Variants in CSMD3 observed in about 807,000 individuals in gnomAD.
CSMD3 encodes the protein CUB and sushi domain-containing protein 3.
A neutral mutation model predicts 435.2 loss-of-function variants in CSMD3; 177 were observed. The observed-to-expected ratio is 0.41, with a 90% CI of 0.36 to 0.46. The LOEUF is 0.46. CSMD3 is among the 20% of genes least tolerant of loss of function. The pLI is 0.34. For missense variants in CSMD3, 4,265 were observed against 4,504.6 expected (o/e 0.95, Z 1.52); for synonymous variants, 1,656 against 1,520.5 (o/e 1.09, Z -2.07).
intron 1 of CSMD3, among the ~76,000 whole-genome samples, chr8:113,378,368 C>G (rs2133092500): frequency 6.6e-6 from 1 of 152,228 alleles, no homozygotes; most frequent in East Asian, 1.9e-4. Flanking sequence ...AAATGGTGAA[C>G]CAAACTGACA....
chr8:112,820,768 C>T (rs2079507309), intron 12 of CSMD3, among the ~76,000 whole-genome samples: 1 of 151,978 alleles, frequency 6.6e-6, no homozygotes, highest in Non-Finnish European at 1.5e-5. Flanking sequence ...TTTTAAGTCC[C>T]ATATGCATTT....
At chr8:112,597,099 A>T in intron 22 of CSMD3, among the ~76,000 whole-genome samples, 1 of 152,104 alleles carries the variant, frequency 6.6e-6, no homozygotes, top group Non-Finnish European at 1.5e-5. Context: ...GAAAGGATCA[A>T]CAAAATTGAT....
rs566082534 is a variant in CSMD3, at chr8:113,278,399, T to C, written c.514+193A>G. Among the ~76,000 whole-genome samples the C allele has an allele frequency of 1.1e-4, 17 of 151,980 alleles. No individual in the cohort carries two copies. The East Asian group carries it at 1.2e-3, about 10-fold the overall frequency. On this transcript the variant is annotated intron_variant, in intron 3 of 70. Coordinates refer to ENST00000297405, the MANE Select transcript of CSMD3 (RefSeq NM_198123.2). ...CCTGTAGCAATTTAATGGTCTCACATAGTGATATAAAATATTAAAACCCAC... is the reference window on the plus strand; with the variant it reads ...CCTGTAGCAATTTAATGGTCTCACACAGTGATATAAAATATTAAAACCCAC...
chr8:112,425,321 C>A (rs1352985199), intron 32 of CSMD3, among the ~76,000 whole-genome samples: 1 of 151,906 alleles, frequency 6.6e-6, no homozygotes, highest in Non-Finnish European at 1.5e-5. Flanking sequence ...AATTGTGAAC[C>A]CCAATTTTTT....
At chr8:112,744,668 A>G (rs2077388579) in intron 13 of CSMD3, among the ~76,000 whole-genome samples, 1 of 151,954 alleles carries the variant, frequency 6.6e-6, no homozygotes. Context: ...TTTAATTATT[A>G]AATAAAATGA....
At chr8:112,845,259 G>A (rs1284118857) in intron 11 of CSMD3, among the ~76,000 whole-genome samples, 1 of 151,988 alleles carries the variant, frequency 6.6e-6, no homozygotes, top group Non-Finnish European at 1.5e-5. Flanking sequence ...ACTGGTTTTT[G>A]TCCTTAAGGG....
intron 56 of CSMD3, among the ~76,000 whole-genome samples, chr8:112,291,248 T>C (rs1250662411): frequency 1.3e-5 from 2 of 151,892 alleles, no homozygotes; most frequent in Admixed American, 1.3e-4. Flanking sequence ...AAGTAGGAAA[T>C]ATGACTACTT....
intron 10 of CSMD3, among the ~76,000 whole-genome samples, chr8:112,921,160 C>T (rs907385970): frequency 2.6e-5 from 4 of 151,472 alleles, no homozygotes; most frequent in Admixed American, 6.6e-5. Context: ...GATAATGTGA[C>T]ATATAAAGCC....
At chr8:112,658,499 A>G (rs2075306831) in intron 17 of CSMD3, among the ~76,000 whole-genome samples, 1 of 152,234 alleles carries the variant, frequency 6.6e-6, no homozygotes, top group African/African-American at 2.4e-5. Context: ...ACTGCCTCCT[A>G]TTAATCAGTA....
intron 32 of CSMD3, among the ~76,000 whole-genome samples, chr8:112,439,021 C>T (rs1004047349): frequency 6.6e-6 from 1 of 152,190 alleles, no homozygotes; most frequent in African/African-American, 2.4e-5. Context: ...TAAATTTTCT[C>T]ATAGGTAAAT....
At chr8:112,510,683 A>C (rs1586559878) in intron 28 of CSMD3, among the ~76,000 whole-genome samples, 1 of 151,886 alleles carries the variant, frequency 6.6e-6, no homozygotes, top group African/African-American at 2.4e-5. Flanking sequence ...TGTAATATTA[A>C]CCCTCTGGTA....
chr8:112,575,188 G>A (rs139904650), intron 23 of CSMD3, among the ~76,000 whole-genome samples: 55 of 151,688 alleles, frequency 3.6e-4, no homozygotes, highest in African/African-American at 1.3e-3. Context: ...TTTTTTCCAC[G>A]GCTCCTAAAT....
intron 27 of CSMD3, among the ~76,000 whole-genome samples, chr8:112,528,525 A>G (rs1407854292): frequency 6.6e-6 from 1 of 152,176 alleles, no homozygotes; most frequent in Admixed American, 6.6e-5. Context: ...ACCAAGGAGC[A>G]CTTTAATTTA....
chr8:113,163,337 C>T (rs7834106), intron 4 of CSMD3, among the ~76,000 whole-genome samples: 103,406 of 151,768 alleles, frequency 0.68, 37,042 homozygotes, highest in East Asian at 0.95. Flanking sequence ...ATGGAAGATA[C>T]AAGGATTCAG....
intron 1 of CSMD3, among the ~76,000 whole-genome samples, chr8:113,362,678 CTT>C (rs565901344): frequency 1.6e-3 from 239 of 152,256 alleles, no homozygotes; most frequent in African/African-American, 5.6e-3. Context: ...CTTGTGTACT[CTT>C]GAGATTTTGT....
At position 113,215,494 on chromosome 8, in the gene CSMD3, G is replaced by A. The variant is rs573967985; in HGVS notation, c.515-41578C>T. On this transcript the variant is annotated intron_variant, in intron 3 of 70. Transcript: ENST00000297405. ...AAGTGCCTTCAAATTAATTGTAGGT[G>A]ACCTTGGGAAAAATCATTATCTTCT... Among the ~76,000 whole-genome samples, 4 of 150,406 alleles carry A rather than the reference G, an allele frequency of 2.7e-5. No individual in the cohort carries two copies. The South Asian group carries it at 8.5e-4, about 32-fold the overall frequency.
intron 1 of CSMD3, among the ~76,000 whole-genome samples, chr8:113,322,152 T>A (rs546517787): frequency 8.0e-4 from 122 of 152,280 alleles, no homozygotes; most frequent in Admixed American, 1.6e-3. Flanking sequence ...TTAGTTTTAA[T>A]CACAATATCT....
intron 22 of CSMD3, among the ~76,000 whole-genome samples, chr8:112,622,480 A>T (rs759901577): frequency 6.6e-6 from 1 of 152,182 alleles, no homozygotes; most frequent in Non-Finnish European, 1.5e-5. Context: ...AACAATGTAC[A>T]ATGTTCTCCA....
chr8:113,093,238 C>A (rs1458221253), intron 5 of CSMD3, among the ~76,000 whole-genome samples: 2 of 151,690 alleles, frequency 1.3e-5, no homozygotes, highest in Non-Finnish European at 2.9e-5. Context: ...TTGTTGAAGT[C>A]ACAGGAAATT....
Sources: allele counts gnomAD v4.1 joint callset (sites outside exome capture counted in the v4.1 genomes callset), GRCh38; gene constraint gnomAD v4.1.1; transcripts MANE v1.5; gene names NCBI Gene and HGNC (gene_info 2026-07-23, HGNC 2026-07-21).